The following B4GALNT3 variants were observed in gnomAD, a reference collection of about 807,000 sequenced individuals.
B4GALNT3 encodes beta-1,4-N-acetylgalactosaminyltransferase 3.
A neutral mutation model predicts 120.2 loss-of-function variants in B4GALNT3; 86 were observed. The ratio of observed to expected loss-of-function variants is 0.72; its 90% CI spans 0.60 to 0.86. B4GALNT3 has a LOEUF of 0.86. Among genes scored for constraint, B4GALNT3 ranks in the 40% least tolerant of loss-of-function variants. The probability of loss-of-function intolerance (pLI) is 0.00; values close to 1 mark genes in which losing one functional copy is unlikely to be tolerated. For missense variants in B4GALNT3, 1,167 were observed against 1,298.9 expected (o/e 0.90, Z 1.56); for synonymous variants, 518 against 510.4 (o/e 1.01, Z -0.20).
Position 548,978 on chromosome 12 carries a change from G to C in B4GALNT3, c.853+681G>C, listed in dbSNP as rs1947042784. 6.6e-6 allele frequency among the ~76,000 whole-genome samples: 1 copy of C among 152,316 alleles called. No homozygotes were observed. Among genetic ancestry groups the C allele is most frequent in the Admixed American group, 6.5e-5 (1 of 15,298 alleles). On this transcript the variant is annotated intron_variant, in intron 9 of 19. Transcript: ENST00000266383. The surrounding 1 kb of genome is among the most constrained non-coding windows in gnomAD (Gnocchi z 4.9). ...CTATTTTCCAGATGAGGTAACCACGGTTCTTGCAAAGCCATGGCCAGGGCA... is the reference window on the plus strand; with the variant it reads ...CTATTTTCCAGATGAGGTAACCACGCTTCTTGCAAAGCCATGGCCAGGGCA...
chr12:536,781 C>T lies in B4GALNT3; in HGVS notation c.351+486C>T, dbSNP rs547008547. 3.9e-5 allele frequency among the ~76,000 whole-genome samples: 6 copies of T among 152,286 alleles called. No homozygotes were observed. In the South Asian group the frequency reaches 6.2e-4, roughly 16 times the overall value. On this transcript the variant is annotated intron_variant, in intron 3 of 19. Transcript: ENST00000266383. ...TGTGGATCATGTCATCTCAGCTTTG[C>T]GACCCTGTGGAATAGTATCATTATC...
At chr12:491,686 A>G (rs1290279559) in intron 1 of B4GALNT3, among the ~76,000 whole-genome samples, 7 of 152,096 alleles carry the variant, frequency 4.6e-5, no homozygotes, top group African/African-American at 1.7e-4. Flanking sequence ...CCTCAACTTG[A>G]TAAGCAGTAT....
intron 1 of B4GALNT3, among the ~76,000 whole-genome samples, chr12:512,221 A>G (rs1317549287): frequency 5.5e-4 from 28 of 51,220 alleles, no homozygotes; most frequent in Non-Finnish European, 8.5e-4. Context: ...TCCACCTTCC[A>G]CCTTCTTCCA....
At chr12:505,095 T>C (rs1394706501) in intron 1 of B4GALNT3, among the ~76,000 whole-genome samples, 3 of 151,972 alleles carry the variant, frequency 2.0e-5, no homozygotes, top group Non-Finnish European at 4.4e-5. Context: ...GGTTTCACCA[T>C]ATTGGCCAAC....
chr12:536,970 C>A (rs1172725537), intron 3 of B4GALNT3, among the ~76,000 whole-genome samples: 3 of 152,134 alleles, frequency 2.0e-5, no homozygotes, highest in Admixed American at 2.0e-4. Context: ...GTTAAATAAG[C>A]TTTTAAAACT....
In B4GALNT3 at chr12:520,285, CGTGATTTTAGCAAAT is replaced by C. The variant is rs1429161332; in HGVS notation, c.170-14877_170-14863del. On this transcript the variant is annotated intron_variant, in intron 1 of 19. Transcript: ENST00000266383. ...AGCAGTTCCCTCTGGTCCTTTGACC[CGTGATTTTAGCAAAT>C]GTGTGAGGCTGAGGACTATAGAGAT... 1.2e-4 allele frequency among the ~76,000 whole-genome samples: 19 copies of C among 152,244 alleles called. No homozygotes were observed. In the East Asian group the frequency reaches 3.7e-3, roughly 29 times the overall value.
At chr12:470,327 ATCT>A (rs927630826) in intron 1 of B4GALNT3, among the ~76,000 whole-genome samples, 36 of 152,194 alleles carry the variant, frequency 2.4e-4, no homozygotes, top group Non-Finnish European at 4.3e-4. Flanking sequence ...CCCTGCTGAG[ATCT>A]TCTTACAAAT....
intron 3 of B4GALNT3, among the ~76,000 whole-genome samples, chr12:539,333 C>G (rs1383095057): frequency 6.6e-6 from 1 of 152,144 alleles, no homozygotes; most frequent in Non-Finnish European, 1.5e-5. Flanking sequence ...GCTCCATTCA[C>G]CAAAATGCTA....
rs1481887552 is a variant in B4GALNT3 at position 548,721 on chromosome 12, G to A, written c.853+424G>A. 6.6e-6 allele frequency among the ~76,000 whole-genome samples: 1 copy of A among 152,028 alleles called. No homozygotes were observed. The highest frequency in any genetic ancestry group is 1.5e-5 in the Non-Finnish European group (1 of 67,998). On this transcript the variant is annotated intron_variant, in intron 9 of 19. Coordinates refer to ENST00000266383, the MANE Select transcript of B4GALNT3 (RefSeq NM_173593.4). This position sits in a 1 kb window ranked among gnomAD's most constrained non-coding sequence, Gnocchi z 4.9. ...GCCCAGGAGTTCGAGACCAGCCCAG[G>A]CCACATAGCGACACCTCATCTCTAC...
At chr12:505,883 G>A (rs1946492444) in intron 1 of B4GALNT3, among the ~76,000 whole-genome samples, 1 of 152,196 alleles carries the variant, frequency 6.6e-6, no homozygotes. Context: ...CTCCCATGAA[G>A]AGCCCTAGAT....
chr12:522,750 C>G (rs1437575268), intron 1 of B4GALNT3, among the ~76,000 whole-genome samples: 1 of 151,086 alleles, frequency 6.6e-6, no homozygotes, highest in Non-Finnish European at 1.5e-5. Flanking sequence ...GCCTGGGCAA[C>G]AGAGAGACCC....
At chr12:479,553 T>A (rs1448603787) in intron 1 of B4GALNT3, among the ~76,000 whole-genome samples, 4 of 152,166 alleles carry the variant, frequency 2.6e-5, no homozygotes, top group Non-Finnish European at 5.9e-5. Flanking sequence ...GGACAGGATC[T>A]TACTTCTAAG....
At chr12:502,728 T>C (rs1164392087) in intron 1 of B4GALNT3, among the ~76,000 whole-genome samples, 1 of 152,140 alleles carries the variant, frequency 6.6e-6, no homozygotes, top group East Asian at 1.9e-4. Flanking sequence ...TGAGCACTTT[T>C]TCCTTTTTGT....
chr12:537,625 T>G (rs950127143), intron 3 of B4GALNT3, among the ~76,000 whole-genome samples: 15 of 152,192 alleles, frequency 9.9e-5, no homozygotes, highest in Non-Finnish European at 2.1e-4. Context: ...CAAGATTACC[T>G]TGAGTAAATA....
Position 535,181 on chromosome 12 carries a change from G to GA in B4GALNT3, c.186dup (p.Glu63ArgfsTer34). On this transcript the variant is annotated frameshift_variant, in exon 2 of 20. Coordinates refer to ENST00000266383, the MANE Select transcript of B4GALNT3 (RefSeq NM_173593.4). LOFTEE classifies it high-confidence loss of function. Reference sequence around the variant, plus strand: ...CCTTCCACAGGGTACGGCAGCTGGAGAGAACTGGCCAAGGCTCTGGCCAGC... The same window carrying GA: ...CCTTCCACAGGGTACGGCAGCTGGAGAAGAACTGGCCAAGGCTCTGGCCAGC... 1 of 1,613,154 alleles carries GA rather than the reference G, an allele frequency of 6.2e-7. No individual in the cohort carries two copies. The highest frequency in any genetic ancestry group is 8.5e-7 in the Non-Finnish European group (1 of 1,179,520).
chr12:483,175 G>A (rs745900516), intron 1 of B4GALNT3, among the ~76,000 whole-genome samples: 2 of 152,114 alleles, frequency 1.3e-5, no homozygotes, highest in Non-Finnish European at 2.9e-5. Flanking sequence ...CTCCCAAAGT[G>A]CTGGGATTAT....
intron 1 of B4GALNT3, among the ~76,000 whole-genome samples, chr12:515,582 T>TAAAAA (rs1946645281): frequency 6.6e-6 from 1 of 152,188 alleles, no homozygotes. Context: ...CTAAATGTGT[T>TAAAAA]AGCTCTTATT....
intron 3 of B4GALNT3, among the ~76,000 whole-genome samples, chr12:537,204 A>G (rs1297530150): frequency 2.0e-5 from 3 of 152,232 alleles, no homozygotes; most frequent in Non-Finnish European, 4.4e-5. Context: ...ACTTACAGGA[A>G]GCAGTTAAAT....
At chr12:515,821 G>A (rs1185486263) in intron 1 of B4GALNT3, among the ~76,000 whole-genome samples, 1 of 152,012 alleles carries the variant, frequency 6.6e-6, no homozygotes, top group African/African-American at 2.4e-5. Context: ...TATGTGCTGG[G>A]CATAATGAAA....
Sources: allele counts gnomAD v4.1 joint callset (sites outside exome capture counted in the v4.1 genomes callset), GRCh38; gene constraint gnomAD v4.1.1; non-coding constraint Gnocchi (gnomAD v3.1); transcripts MANE v1.5; gene names NCBI Gene and HGNC (gene_info 2026-07-23, HGNC 2026-07-21).